The following ZNF804A variants were observed in gnomAD, a reference collection of about 807,000 sequenced individuals.
ZNF804A encodes zinc finger protein 804A.
A neutral mutation model predicts 16.5 loss-of-function variants in ZNF804A; 2 were observed. That is an observed-to-expected ratio of 0.12 (90% confidence interval 0.05 to 0.38). The LOEUF (loss-of-function observed/expected upper bound fraction) is 0.38. ZNF804A is among the 10% of genes least tolerant of loss of function. ZNF804A has a pLI of 0.99. For synonymous variants in ZNF804A, 534 were observed against 489.6 expected (o/e 1.09, Z -1.20); for missense variants, 1,473 against 1,390.7 (o/e 1.06, Z -0.94).
At chr2:184,704,894 G>A (rs912603067) in intron 1 of ZNF804A, among the ~76,000 whole-genome samples, 1 of 152,140 alleles carries the variant, frequency 6.6e-6, no homozygotes, top group African/African-American at 2.4e-5. Context: ...ACTCTGCTTG[G>A]ACTGTTTCTC....
intron 1 of ZNF804A, among the ~76,000 whole-genome samples, chr2:184,775,607 G>A (rs1411088039): frequency 6.6e-6 from 1 of 151,566 alleles, no homozygotes; most frequent in Non-Finnish European, 1.5e-5. Flanking sequence ...CTTTTTGTGA[G>A]TTAGGACTGT....
chr2:184,775,174 A>C lies in ZNF804A; in HGVS notation c.112-91195A>C, dbSNP rs1694268678. On this transcript the variant is annotated intron_variant, in intron 1 of 3. Transcript: ENST00000302277. ...AATTTCCTCAATAGTCTTTAAAATT[A>C]GTTTTAAGATCTTAGGAGTGTTATG... 2.0e-5 allele frequency among the ~76,000 whole-genome samples: 3 copies of C among 151,740 alleles called. No homozygotes were observed. The South Asian group carries it at 6.2e-4, about 31-fold the overall frequency.
chr2:184,845,992 A>G (rs751659606), intron 1 of ZNF804A, among the ~76,000 whole-genome samples: 9 of 152,094 alleles, frequency 5.9e-5, no homozygotes, highest in African/African-American at 9.7e-5. Flanking sequence ...TTAAGATGGT[A>G]TTTTACCCCA....
intron 1 of ZNF804A, among the ~76,000 whole-genome samples, chr2:184,685,650 G>T (rs1464678308): frequency 6.6e-6 from 1 of 152,086 alleles, no homozygotes; most frequent in Admixed American, 6.5e-5. Context: ...GTTTCTATGG[G>T]CTCAGAAGGG....
At chr2:184,699,569 A>T (rs2105730321) in intron 1 of ZNF804A, among the ~76,000 whole-genome samples, 1 of 151,852 alleles carries the variant, frequency 6.6e-6, no homozygotes, top group East Asian at 1.9e-4. Flanking sequence ...CTAGCAGGGA[A>T]CTCTGTGTGA....
intron 1 of ZNF804A, among the ~76,000 whole-genome samples, chr2:184,832,815 T>C (rs973290553): frequency 2.6e-5 from 4 of 151,950 alleles, no homozygotes; most frequent in African/African-American, 9.7e-5. Context: ...TTCATTGTGT[T>C]TTATACTTTT....
chr2:184,636,858 C>G (rs932899606), intron 1 of ZNF804A, among the ~76,000 whole-genome samples: 2 of 152,056 alleles, frequency 1.3e-5, no homozygotes, highest in Admixed American at 6.6e-5. Context: ...ATTATATTAT[C>G]TTAGTCTTTT....
chr2:184,909,036 T>G (rs1685320309), intron 2 of ZNF804A, among the ~76,000 whole-genome samples: 1 of 152,130 alleles, frequency 6.6e-6, no homozygotes, highest in South Asian at 2.1e-4. Context: ...AGTTGAAATT[T>G]GTGTACAATA....
intron 2 of ZNF804A, among the ~76,000 whole-genome samples, chr2:184,901,862 C>G (rs1685186743): frequency 6.6e-6 from 1 of 151,742 alleles, no homozygotes; most frequent in African/African-American, 2.4e-5. Context: ...TTTGAAGTGA[C>G]TTATCCATAT....
chr2:184,918,856 C>T (rs1685491182), intron 2 of ZNF804A, among the ~76,000 whole-genome samples: 1 of 152,022 alleles, frequency 6.6e-6, no homozygotes, highest in Non-Finnish European at 1.5e-5. Context: ...ACCACCATAC[C>T]ACATTAAACT....
intron 1 of ZNF804A, among the ~76,000 whole-genome samples, chr2:184,682,986 A>G (rs1482629327): frequency 2.6e-5 from 4 of 152,204 alleles, no homozygotes; most frequent in Non-Finnish European, 2.9e-5. Context: ...CCATGCTACA[A>G]TGAAACCCTC....
intron 1 of ZNF804A, among the ~76,000 whole-genome samples, chr2:184,764,005 A>G (rs1465322688): frequency 6.6e-6 from 1 of 151,964 alleles, no homozygotes. Flanking sequence ...GCCCACCCCC[A>G]TGAAAACAAG....
chr2:184,754,644 T>C (rs1286804754), intron 1 of ZNF804A, among the ~76,000 whole-genome samples: 1 of 151,930 alleles, frequency 6.6e-6, no homozygotes, highest in Non-Finnish European at 1.5e-5. Context: ...TTCAGCTTTG[T>C]TTTTTCTTTG....
intron 1 of ZNF804A, among the ~76,000 whole-genome samples, chr2:184,681,996 T>C (rs920299870): frequency 2.0e-5 from 3 of 152,168 alleles, no homozygotes; most frequent in Non-Finnish European, 4.4e-5. Flanking sequence ...TGTGCATGCT[T>C]AGGGCAGCAC....
Position 184,710,137 on chromosome 2 carries a change from T to A in ZNF804A, c.111+111067T>A, listed in dbSNP as rs565088350. Among the ~76,000 whole-genome samples, 3 of 151,444 alleles carry A rather than the reference T, an allele frequency of 2.0e-5. No individual in the cohort carries two copies. In the South Asian group the frequency reaches 6.2e-4, roughly 31 times the overall value. On this transcript the variant is annotated intron_variant, in intron 1 of 3. Transcript: ENST00000302277. ...CTTCAAAGTGGTCTTGTATTTTTAA[T>A]TTAATGTTTTATTCAGGTATAATTG...
At chr2:184,804,509 A>G (rs1694773945) in intron 1 of ZNF804A, among the ~76,000 whole-genome samples, 1 of 152,226 alleles carries the variant, frequency 6.6e-6, no homozygotes, top group Non-Finnish European at 1.5e-5. Context: ...CACTCAAGTA[A>G]TTGAATTAAA....
At chr2:184,855,564 TAGAG>T (rs1558983331) in intron 1 of ZNF804A, among the ~76,000 whole-genome samples, 3 of 151,608 alleles carry the variant, frequency 2.0e-5, no homozygotes, top group African/African-American at 7.3e-5. Context: ...AGAGTATATA[TAGAG>T]AAAGTATATA....
At chr2:184,882,594 T>C (rs1341191433) in intron 2 of ZNF804A, among the ~76,000 whole-genome samples, 2 of 151,886 alleles carry the variant, frequency 1.3e-5, no homozygotes, top group African/African-American at 4.8e-5. Flanking sequence ...ACCACATTCT[T>C]ACAAAATAGT....
At chr2:184,859,303 A>T (rs1695755408) in intron 1 of ZNF804A, among the ~76,000 whole-genome samples, 1 of 150,732 alleles carries the variant, frequency 6.6e-6, no homozygotes, top group Admixed American at 6.6e-5. Context: ...TTTTTTAATT[A>T]TTTCTCCTCT....
Sources: allele counts gnomAD v4.1 joint callset (sites outside exome capture counted in the v4.1 genomes callset), GRCh38; gene constraint gnomAD v4.1.1; transcripts MANE v1.5; gene names NCBI Gene and HGNC (gene_info 2026-07-23, HGNC 2026-07-21).